RAB6A: variants seen among roughly 807,000 people sequenced by gnomAD.
RAB6A encodes RAB6A, member RAS oncogene family, also known as ras-related protein Rab-6A.
A neutral mutation model predicts 32.3 loss-of-function variants in RAB6A; 8 were observed. That is an observed-to-expected ratio of 0.25 (90% CI 0.15 to 0.45). The LOEUF (loss-of-function observed/expected upper bound fraction) is 0.45, where lower values mean the gene tolerates loss of function less well. RAB6A is among the 20% of genes least tolerant of loss of function. RAB6A has a pLI of 1.00. For synonymous variants in RAB6A, 73 were observed against 82.1 expected (o/e 0.89, Z 0.60); for missense variants, 104 against 249.4 (o/e 0.42, Z 3.93).
chr11:73,724,508 C>T (rs374777093), intron 2 of RAB6A, among the ~76,000 whole-genome samples: 1 of 117,478 alleles, frequency 8.5e-6, no homozygotes. Context: ...TTTTTTGAGA[C>T]GGAGTCTCGC....
chr11:73,712,225 C>T (rs1160354275), intron 5 of RAB6A, among the ~76,000 whole-genome samples: 1 of 152,110 alleles, frequency 6.6e-6, no homozygotes, highest in Admixed American at 6.6e-5. Flanking sequence ...AGAACTTGAT[C>T]CAATTTTATC....
intron 1 of RAB6A, among the ~76,000 whole-genome samples, chr11:73,749,117 T>G (rs933610969): frequency 2.0e-5 from 3 of 151,456 alleles, no homozygotes; most frequent in Non-Finnish European, 4.4e-5. Context: ...AGACAAAGAC[T>G]CTATCTTAAA....
At chr11:73,729,099 T>C (rs928696000) in intron 2 of RAB6A, among the ~76,000 whole-genome samples, 65 of 152,224 alleles carry the variant, frequency 4.3e-4, no homozygotes, top group Non-Finnish European at 6.2e-4. Flanking sequence ...ATAACCCTTT[T>C]GATTTTATTT....
In RAB6A at chr11:73,681,634, C is replaced by T. The variant is rs573741664; in HGVS notation, c.496-1914G>A. 2.6e-5 allele frequency among the ~76,000 whole-genome samples: 4 copies of T among 152,262 alleles called. No individual in the cohort carries two copies. In the South Asian group the frequency reaches 8.3e-4, roughly 32 times the overall value. Reference sequence around the variant, plus strand: ...GACCAGCCTGGCCAACATGGTGAAACCCCGTCTCTACTAAGAATACAAAAA... The same window carrying T: ...GACCAGCCTGGCCAACATGGTGAAATCCCGTCTCTACTAAGAATACAAAAA... On this transcript the variant is annotated intron_variant, in intron 6 of 7. Transcript: ENST00000336083.
At chr11:73,745,750 C>T (rs1207787415) in intron 1 of RAB6A, among the ~76,000 whole-genome samples, 1 of 151,932 alleles carries the variant, frequency 6.6e-6, no homozygotes, top group African/African-American at 2.4e-5. Context: ...GAAAACTGCT[C>T]GAACCCGGGA....
At chr11:73,733,766 T>G (rs1443437127) in intron 1 of RAB6A, among the ~76,000 whole-genome samples, 1 of 151,996 alleles carries the variant, frequency 6.6e-6, no homozygotes, top group Admixed American at 6.6e-5. Context: ...ACTGGTAGAA[T>G]TAATGCTGAT....
At chr11:73,744,726 C>T (rs1946557638) in intron 1 of RAB6A, among the ~76,000 whole-genome samples, 1 of 152,000 alleles carries the variant, frequency 6.6e-6, no homozygotes, top group South Asian at 2.1e-4. Context: ...CCTGTAATCC[C>T]AACACTTTGG....
intron 2 of RAB6A, among the ~76,000 whole-genome samples, chr11:73,722,138 G>C (rs1048681145): frequency 1.3e-5 from 2 of 149,300 alleles, no homozygotes; most frequent in African/African-American, 4.9e-5. Flanking sequence ...ACCCAGTCTT[G>C]GGTTATCTCT....
At chr11:73,679,834 G>T in intron 6 of RAB6A, 114 bp from the exon 7 acceptor site, 1 of 1,383,454 alleles carries the variant, frequency 7.2e-7, no homozygotes, top group Non-Finnish European at 1.0e-6. Flanking sequence ...GCTCACACCT[G>T]TAATCCCAGC....
chr11:73,731,153 C>T (rs1368713891), intron 1 of RAB6A, among the ~76,000 whole-genome samples: 1 of 152,138 alleles, frequency 6.6e-6, no homozygotes, highest in East Asian at 1.9e-4. Context: ...CTTAGGTCCA[C>T]TTCATCTAGC....
chr11:73,702,471 CAGGCTATATA>C (rs909748459), intron 6 of RAB6A, among the ~76,000 whole-genome samples: 7 of 152,196 alleles, frequency 4.6e-5, no homozygotes, highest in African/African-American at 1.7e-4. Context: ...TGTGCCCAGC[CAGGCTATATA>C]AGGTTTGAGA....
intron 6 of RAB6A, among the ~76,000 whole-genome samples, chr11:73,689,761 G>A (rs1276181183): frequency 6.6e-6 from 1 of 152,036 alleles, no homozygotes; most frequent in Non-Finnish European, 1.5e-5. Context: ...TCCCTAAAAT[G>A]TATAAAACCA....
chr11:73,731,674 TAG>T (rs1946303294), intron 1 of RAB6A, among the ~76,000 whole-genome samples: 1 of 136,796 alleles, frequency 7.3e-6, no homozygotes, highest in African/African-American at 2.8e-5. Context: ...GTGAGATAGA[TAG>T]ATAGATATTA....
intron 6 of RAB6A, among the ~76,000 whole-genome samples, chr11:73,691,574 A>G (rs923641693): frequency 6.6e-6 from 1 of 152,222 alleles, no homozygotes; most frequent in African/African-American, 2.4e-5. Flanking sequence ...CAAGGCTCTC[A>G]TTTCATCTTT....
At chr11:73,691,233 G>A (rs927704310) in intron 6 of RAB6A, among the ~76,000 whole-genome samples, 43 of 152,316 alleles carry the variant, frequency 2.8e-4, no homozygotes, top group African/African-American at 1.0e-3. Flanking sequence ...TGGCTGTGGG[G>A]TCATCCTGGT....
chr11:73,684,952 T>C (rs1023804847), intron 6 of RAB6A, among the ~76,000 whole-genome samples: 2 of 152,236 alleles, frequency 1.3e-5, no homozygotes, highest in Non-Finnish European at 2.9e-5. Context: ...AAATAGTAGT[T>C]TGCTCTCAGA....
chr11:73,692,097 A>C (rs181966898), intron 6 of RAB6A, among the ~76,000 whole-genome samples: 73 of 152,306 alleles, frequency 4.8e-4, no homozygotes, highest in African/African-American at 1.7e-3. Context: ...ACTATCCACA[A>C]TACTACTCAG....
chr11:73,747,924 C>T (rs1018652606), intron 1 of RAB6A, among the ~76,000 whole-genome samples: 21 of 152,144 alleles, frequency 1.4e-4, no homozygotes, highest in African/African-American at 4.6e-4. Flanking sequence ...TTATTCCTAA[C>T]GATGTTAACC....
chr11:73,707,611 A>C, intron 5 of RAB6A, 98 bp from the exon 6 acceptor site: 1 of 820,044 alleles, frequency 1.2e-6, no homozygotes, highest in South Asian at 1.7e-5. Flanking sequence ...TGATATAAGG[A>C]CTGGTTATAC....
Sources: gnomAD v4.1 joint callset for allele counts (sites outside exome capture counted in the v4.1 genomes callset) on GRCh38, gnomAD v4.1.1 for gene constraint, MANE v1.5 for transcripts, NCBI Gene and HGNC (gene_info 2026-07-23, HGNC 2026-07-21) for gene names.